Variants in METTL15 observed in about 807,000 individuals in gnomAD.
The protein encoded by METTL15 is methyltransferase 15, mitochondrial 12S rRNA N4-cytidine, also known as 12S rRNA N(4)-cytidine methyltransferase METTL15.
Under a neutral mutation model 38.3 loss-of-function variants are expected in METTL15, and 34 were observed. That is an observed-to-expected ratio of 0.89 (90% CI 0.68 to 1.18). The LOEUF (loss-of-function observed/expected upper bound fraction) is 1.18, where lower values mean the gene tolerates loss of function less well. Ranked by LOEUF, METTL15 falls within the 50% of genes most tolerant of loss-of-function variation. METTL15 has a pLI of 0.00. For synonymous variants in METTL15, 162 were observed against 170.9 expected, an observed-to-expected ratio of 0.95 and a Z score of 0.41; for missense variants, 438 against 498.4, an observed-to-expected ratio of 0.88 and a Z score of 1.15.
intron 3 of METTL15, among the ~76,000 whole-genome samples, chr11:28,338,640 A>G (rs922989378): frequency 6.6e-6 from 1 of 152,140 alleles, no homozygotes; most frequent in African/African-American, 2.4e-5. Context: ...GATCATCCAC[A>G]GAGTGGATGA....
At chr11:28,426,741 G>A (rs12272340) in intron 6 of METTL15, among the ~76,000 whole-genome samples, 2 of 151,794 alleles carry the variant, frequency 1.3e-5, no homozygotes, top group Non-Finnish European at 2.9e-5. Context: ...CCTCTTTTGA[G>A]AAGTGTCTGT....
chr11:28,192,769 A>G (rs891376632), intron 3 of METTL15, among the ~76,000 whole-genome samples: 1 of 152,064 alleles, frequency 6.6e-6, no homozygotes, highest in Non-Finnish European at 1.5e-5. Flanking sequence ...TAAATACCCT[A>G]TAATCCACAG....
intron 6 of METTL15, among the ~76,000 whole-genome samples, chr11:28,485,451 T>A (rs573406923): frequency 2.1e-4 from 32 of 152,116 alleles, no homozygotes; most frequent in African/African-American, 7.7e-4. Flanking sequence ...ACCAAATCGC[T>A]AAGAAGAGGA....
chr11:28,359,436 C>G (rs776814301), intron 4 of METTL15, among the ~76,000 whole-genome samples: 12 of 152,088 alleles, frequency 7.9e-5, no homozygotes, highest in Non-Finnish European at 1.5e-5. Context: ...TGGGTATATA[C>G]CTAGTAATGG....
chr11:28,523,198 A>G (rs1851782310), intron 6 of METTL15, among the ~76,000 whole-genome samples: 1 of 152,238 alleles, frequency 6.6e-6, no homozygotes, highest in African/African-American at 2.4e-5. Context: ...CATCAAACCT[A>G]TTCCCTTGTG....
chr11:28,213,436 T>A (rs1852724756), intron 4 of METTL15, among the ~76,000 whole-genome samples: 1 of 152,066 alleles, frequency 6.6e-6, no homozygotes, highest in Admixed American at 6.5e-5. Flanking sequence ...AAGTTCATCA[T>A]AAGATAATAA....
chr11:28,158,022 CT>C (rs1590831520), intron 3 of METTL15, among the ~76,000 whole-genome samples: 1 of 152,118 alleles, frequency 6.6e-6, no homozygotes, highest in East Asian at 1.9e-4. Context: ...TGGTTGTGCA[CT>C]TTGAGTGGAA....
intron 6 of METTL15, chr11:28,327,873 CCTTT>C (rs1323189725): frequency 2.4e-5 from 10 of 411,862 alleles, no homozygotes; most frequent in Admixed American, 9.3e-5. Context: ...GAGCTTTCTG[CCTTT>C]CTATTTTATG....
chr11:28,482,474 A>G (rs772682258), intron 6 of METTL15, among the ~76,000 whole-genome samples: 4 of 152,222 alleles, frequency 2.6e-5, no homozygotes, highest in Non-Finnish European at 5.9e-5. Context: ...CAAAGTGCTT[A>G]GCACAGTACT....
At chr11:28,240,772 T>G (rs1854260023) in intron 4 of METTL15, among the ~76,000 whole-genome samples, 2 of 152,112 alleles carry the variant, frequency 1.3e-5, no homozygotes, top group African/African-American at 4.8e-5. Context: ...TTAAGAAAAT[T>G]TAAAAAGAAG....
chr11:28,222,185 CT>C (rs1418423878), intron 4 of METTL15, among the ~76,000 whole-genome samples: 1 of 152,210 alleles, frequency 6.6e-6, no homozygotes, highest in Non-Finnish European at 1.5e-5. Context: ...CCTCCTTGAG[CT>C]GCGGTGGGCT....
chr11:28,372,835 G>C (rs1273050784), intron 5 of METTL15, among the ~76,000 whole-genome samples: 4 of 130,178 alleles, frequency 3.1e-5, no homozygotes, highest in South Asian at 2.4e-4. Flanking sequence ...TGATCTCATT[G>C]TTCAATTCCC....
intron 3 of METTL15, chr11:28,145,746 C>T (rs991768655): frequency 6.6e-6 from 1 of 151,916 alleles, no homozygotes; most frequent in Non-Finnish European, 1.5e-5. Context: ...GTTAGATAAA[C>T]TGTATAATAA....
chr11:28,168,811 A>G (rs963359969), intron 3 of METTL15, among the ~76,000 whole-genome samples: 18 of 152,270 alleles, frequency 1.2e-4, no homozygotes, highest in African/African-American at 3.6e-4. Flanking sequence ...AAAAATTTAC[A>G]TGGAGAAGAC....
At chr11:28,141,742 C>A (rs1391921197) in intron 3 of METTL15, among the ~76,000 whole-genome samples, 1 of 152,014 alleles carries the variant, frequency 6.6e-6, no homozygotes, top group African/African-American at 2.4e-5. Flanking sequence ...TCTTGTGACT[C>A]CTGAGTAGTA....
At chr11:28,226,602 C>T (rs1590188245) in intron 4 of METTL15, among the ~76,000 whole-genome samples, 2 of 151,920 alleles carry the variant, frequency 1.3e-5, no homozygotes, top group East Asian at 3.9e-4. Context: ...CACAGGAAGC[C>T]AGAGCAATGG....
At chr11:28,476,955 G>T (rs938911592) in intron 6 of METTL15, among the ~76,000 whole-genome samples, 5 of 152,174 alleles carry the variant, frequency 3.3e-5, no homozygotes, top group African/African-American at 7.2e-5. Context: ...TGAAGCAGCA[G>T]AAATTACCGA....
rs367950893 is a variant in METTL15, at chr11:28,321,229, A to G, written c.779-9167A>G. On this transcript the variant is annotated intron_variant, in intron 6 of 6. Transcript: ENST00000407364. ...CACTAAATGCTTCTGAACATTTTTT[A>G]ACGTGATTTTCACAATAATCCTGTG... Among the ~76,000 whole-genome samples, 3 of 152,192 alleles carry G rather than the reference A, an allele frequency of 2.0e-5. No homozygotes were observed. In the East Asian group the frequency reaches 5.8e-4, roughly 29 times the overall value.
At chr11:28,149,691 G>A (rs943275669) in intron 3 of METTL15, among the ~76,000 whole-genome samples, 2 of 151,818 alleles carry the variant, frequency 1.3e-5, no homozygotes, top group African/African-American at 4.8e-5. Flanking sequence ...TTATCTCATT[G>A]CACTGTTTCT....
Sources: allele counts gnomAD v4.1 joint callset (sites outside exome capture counted in the v4.1 genomes callset), GRCh38; gene constraint gnomAD v4.1.1; transcripts MANE v1.5; gene names NCBI Gene and HGNC (gene_info 2026-07-23, HGNC 2026-07-21).